The following KHDRBS2 variants were observed in gnomAD, a reference collection of about 807,000 sequenced individuals.
KHDRBS2 encodes the protein KH domain-containing, RNA-binding, signal transduction-associated protein 2.
KHDRBS2 carries 26 observed loss-of-function variants against 44.3 expected under a neutral mutation model. The ratio of observed to expected loss-of-function variants is 0.59; its 90% CI spans 0.43 to 0.81. KHDRBS2 has a LOEUF of 0.81. Ranked by LOEUF, KHDRBS2 falls within the 40% of genes least tolerant of loss-of-function variation. KHDRBS2 has a pLI of 0.00. For synonymous variants in KHDRBS2, 194 were observed against 151.1 expected (o/e 1.28, Z -2.08); for missense variants, 476 against 433.1 (o/e 1.10, Z -0.88).
At chr6:61,888,180 A>G (rs1801250340) in intron 6 of KHDRBS2, among the ~76,000 whole-genome samples, 2 of 152,152 alleles carry the variant, frequency 1.3e-5, no homozygotes, top group Admixed American at 1.3e-4. Flanking sequence ...CCCAATAACT[A>G]TGTTTATATT....
intron 1 of KHDRBS2, among the ~76,000 whole-genome samples, chr6:62,179,978 A>G (rs2150124969): frequency 6.6e-6 from 1 of 151,988 alleles, no homozygotes; most frequent in African/African-American, 2.4e-5. Context: ...AAAATGGTAT[A>G]TGCCAAACTT....
At chr6:62,161,573 C>CT (rs1490807995) in intron 2 of KHDRBS2, among the ~76,000 whole-genome samples, 1 of 33,346 alleles carries the variant, frequency 3.0e-5, no homozygotes, top group Non-Finnish European at 5.0e-5. Context: ...TTGGTATTTG[C>CT]GGGGGGGGGG....
At chr6:61,672,966 T>A in the KHDRBS2 span, among the ~76,000 whole-genome samples, 1 of 152,120 alleles carries the variant, frequency 6.6e-6, no homozygotes, top group African/African-American at 2.4e-5. Flanking sequence ...CTTCTAGGGT[T>A]TTTATGGTTT....
chr6:61,992,684 A>G lies in KHDRBS2; in HGVS notation c.337-14472T>C, dbSNP rs552237860. 1.9e-3 allele frequency among the ~76,000 whole-genome samples: 295 copies of G among 152,310 alleles called. 1 individual carries two copies. The highest frequency in any genetic ancestry group is 0.017 in the Middle Eastern group (5 of 294). ...ATAGTTAACTGAGGCTTTTAAAATC[A>G]TATATAAATGGTTAAGAACATGTAT... On this transcript the variant is annotated intron_variant, in intron 3 of 8. Coordinates refer to ENST00000281156, the MANE Select transcript of KHDRBS2 (RefSeq NM_152688.4).
chr6:61,787,052 T>A (rs911977568), intron 6 of KHDRBS2, among the ~76,000 whole-genome samples: 3 of 148,830 alleles, frequency 2.0e-5, no homozygotes, highest in African/African-American at 7.3e-5. Flanking sequence ...TATAATTATA[T>A]ATAAATATGT....
the KHDRBS2 span, among the ~76,000 whole-genome samples, chr6:61,589,447 G>A: frequency 0.013 from 1,977 of 152,192 alleles, 41 homozygotes; most frequent in African/African-American, 0.046. Flanking sequence ...ATGTATTTCA[G>A]CAACTAAGTT....
At chr6:61,960,728 T>C (rs1768493832) in intron 4 of KHDRBS2, among the ~76,000 whole-genome samples, 1 of 152,174 alleles carries the variant, frequency 6.6e-6, no homozygotes, top group Non-Finnish European at 1.5e-5. Flanking sequence ...ATGATCAATT[T>C]TTCTTCCTAT....
intron 4 of KHDRBS2, among the ~76,000 whole-genome samples, chr6:61,914,835 A>G (rs1806702868): frequency 1.3e-5 from 2 of 152,204 alleles, no homozygotes; most frequent in Non-Finnish European, 2.9e-5. Context: ...TGTTAATCAT[A>G]AAAAGGAAAT....
chr6:62,132,091 A>T (rs1810465148), intron 2 of KHDRBS2, among the ~76,000 whole-genome samples: 1 of 152,198 alleles, frequency 6.6e-6, no homozygotes, highest in African/African-American at 2.4e-5. Flanking sequence ...TTTTCACATT[A>T]CTAAGTAATC....
intron 2 of KHDRBS2, among the ~76,000 whole-genome samples, chr6:62,145,827 T>C (rs945404205): frequency 3.3e-5 from 5 of 151,896 alleles, no homozygotes; most frequent in Admixed American, 2.6e-4. Context: ...CATAATCACC[T>C]AACACAAATT....
At chr6:61,907,520 T>C (rs1302261017) in intron 4 of KHDRBS2, among the ~76,000 whole-genome samples, 1 of 152,206 alleles carries the variant, frequency 6.6e-6, no homozygotes, top group Admixed American at 6.5e-5. Context: ...TGTTTTCTTT[T>C]AGTAGTTTCA....
the KHDRBS2 span, among the ~76,000 whole-genome samples, chr6:61,571,961 A>T: frequency 6.6e-6 from 1 of 152,128 alleles, no homozygotes; most frequent in African/African-American, 2.4e-5. Flanking sequence ...AAAAAATTTA[A>T]CAAAGATAAA....
intron 3 of KHDRBS2, among the ~76,000 whole-genome samples, chr6:62,006,435 A>G (rs1384954750): frequency 6.6e-6 from 1 of 152,072 alleles, no homozygotes; most frequent in Non-Finnish European, 1.5e-5. Flanking sequence ...GAAGGAATAA[A>G]TCAAATAAAA....
At chr6:61,743,806 T>C (rs1196594249) in intron 6 of KHDRBS2, among the ~76,000 whole-genome samples, 1 of 114,744 alleles carries the variant, frequency 8.7e-6, no homozygotes, top group African/African-American at 3.4e-5. Context: ...CAGTCCCCGG[T>C]GTGTGATGTT....
chr6:62,132,075 G>C (rs1810458948), intron 2 of KHDRBS2, among the ~76,000 whole-genome samples: 1 of 152,008 alleles, frequency 6.6e-6, no homozygotes, highest in Non-Finnish European at 1.5e-5. Context: ...CACTTTAATA[G>C]TAATTTTTTC....
the KHDRBS2 span, among the ~76,000 whole-genome samples, chr6:61,655,364 C>A: frequency 4.6e-5 from 7 of 151,978 alleles, no homozygotes; most frequent in Non-Finnish European, 1.0e-4. Flanking sequence ...AGTGATACTC[C>A]TGCCTCAGCC....
At chr6:62,178,036 C>A (rs1361603810) in intron 1 of KHDRBS2, among the ~76,000 whole-genome samples, 1 of 151,346 alleles carries the variant, frequency 6.6e-6, no homozygotes, top group Non-Finnish European at 1.5e-5. Context: ...AATAAAATGT[C>A]TCTGTTTTTA....
intron 1 of KHDRBS2, among the ~76,000 whole-genome samples, chr6:62,276,563 A>G (rs1342955254): frequency 1.3e-5 from 2 of 152,210 alleles, no homozygotes; most frequent in East Asian, 3.9e-4. Flanking sequence ...GAAGCAGTCA[A>G]TGTAAGTCAT....
At chr6:61,773,205 G>A (rs542559275) in intron 6 of KHDRBS2, among the ~76,000 whole-genome samples, 5 of 152,182 alleles carry the variant, frequency 3.3e-5, no homozygotes, top group Admixed American at 1.3e-4. Context: ...AGATCCCTGA[G>A]GAATCGCCAC....
Sources: allele counts gnomAD v4.1 joint callset (sites outside exome capture counted in the v4.1 genomes callset), GRCh38; gene constraint gnomAD v4.1.1; transcripts MANE v1.5; gene names NCBI Gene and HGNC (gene_info 2026-07-23, HGNC 2026-07-21).